Variants in COG6 observed in about 807,000 individuals in gnomAD.
COG6 encodes the protein component of oligomeric golgi complex 6.
COG6 carries 74 observed loss-of-function variants against 88.8 expected under a neutral mutation model. The observed-to-expected ratio is 0.83, with a 90% confidence interval of 0.69 to 1.01. The LOEUF (loss-of-function observed/expected upper bound fraction) is 1.01, where lower values mean the gene tolerates loss of function less well. Among genes scored for constraint, COG6 ranks in the 50% least tolerant of loss-of-function variants. COG6 has a pLI of 0.00. For synonymous variants in COG6, 286 were observed against 278.7 expected, an observed-to-expected ratio of 1.03 and a Z score of -0.26; for missense variants, 800 against 797.9, an observed-to-expected ratio of 1.00 and a Z score of -0.03.
rs890086196 is a variant in COG6 at position 39,660,862 on chromosome 13, A to T, written c.350A>T (p.Asp117Val). 6.2e-7 allele frequency: 1 copy of T among 1,605,146 alleles called. No homozygotes were observed. The highest frequency in any genetic ancestry group is 8.5e-7 in the Non-Finnish European group (1 of 1,172,496). The part of the protein sequence containing the change: ...DVQAMSNCCQ[D>V]MTSRLQAAKE... ...CAAGCAATGAGCAACTGTTGTCAAG[A>T]TATGACAAGTCGCCTACAGGTATTA... The change falls in exon 3 of 19, where the codon GAT becomes GTT. Residue 117 changes from aspartate to valine, a missense_variant. Transcript: ENST00000455146.
At chr13:39,705,993 T>C (rs1877872582) in intron 13 of COG6, among the ~76,000 whole-genome samples, 1 of 151,826 alleles carries the variant, frequency 6.6e-6, no homozygotes, top group Non-Finnish European at 1.5e-5. Flanking sequence ...CTGAAATGCT[T>C]TAATATTTAA....
At chr13:39,753,866 G>A (rs564255167), downstream of COG6, among the ~76,000 whole-genome samples, 10 of 152,038 alleles carry the variant, frequency 6.6e-5, no homozygotes, top group Admixed American at 5.2e-4. Flanking sequence ...TCCTTTCCTG[G>A]TTTAGACATG....
intron 18 of COG6, among the ~76,000 whole-genome samples, chr13:39,786,631 A>G (rs1360271156): frequency 6.6e-6 from 1 of 152,226 alleles, no homozygotes; most frequent in Non-Finnish European, 1.5e-5. Flanking sequence ...GGCATTTCAG[A>G]CAAATATGAA....
rs540474971 is a variant in COG6, at chr13:39,771,423, G to A, written c.1827-16912G>A. The stretch of plus-strand genomic sequence containing the variant: ...GTGAGGGGTAACTGGTGGCTCACCC[G>A]CTGCCCAGCGCTCCCCAGGGAGACC... On this transcript the variant is annotated intron_variant, in intron 18 of 18. Coordinates refer to the COG6 transcript ENST00000416691. 1.3e-4 allele frequency among the ~76,000 whole-genome samples: 20 copies of A among 152,270 alleles called. No individual in the cohort carries two copies. The East Asian group carries it at 2.5e-3, about 19-fold the overall frequency.
Position 39,751,312 on chromosome 13 carries a change from A to G in COG6, c.*219A>G. The G allele has an allele frequency of 6.7e-7, 1 of 1,489,048 alleles. No homozygotes were observed. The highest frequency in any genetic ancestry group is 8.9e-7 in the Non-Finnish European group (1 of 1,119,816). The allele number at this position is 1,489,048 out of a possible 1,614,324, so 92.2% of individuals were successfully genotyped here. A position where few individuals can be genotyped will look rare whatever the true frequency, so the allele number is the denominator to read the frequency against. ...TTGCTGTGTATCTACTCTAAATGAGATGATCTATTTTTTTGCTAGCCATCT... is the reference window on the plus strand; with the variant it reads ...TTGCTGTGTATCTACTCTAAATGAGGTGATCTATTTTTTTGCTAGCCATCT... On this transcript the variant is annotated 3_prime_UTR_variant, in exon 19 of 19. Transcript: ENST00000455146.
chr13:39,790,528 T>C (rs565902519), exon 19 of COG6: 1 of 152,250 alleles, frequency 6.6e-6, no homozygotes, highest in African/African-American at 2.4e-5. Flanking sequence ...ATCTCATAGA[T>C]ACTGTTCTTC....
chr13:39,771,449 C>T (rs981289996), intron 18 of COG6, among the ~76,000 whole-genome samples: 5 of 152,130 alleles, frequency 3.3e-5, no homozygotes, highest in Admixed American at 6.5e-5. Context: ...CAGGGAGACC[C>T]GGCCCTGCTG....
intron 18 of COG6, among the ~76,000 whole-genome samples, chr13:39,778,553 G>T (rs1370730502): frequency 1.3e-5 from 2 of 152,110 alleles, no homozygotes; most frequent in African/African-American, 4.8e-5. Context: ...TCTGCCTTCA[G>T]ACCCCCCTGG....
intron 13 of COG6, among the ~76,000 whole-genome samples, chr13:39,706,215 T>TTATATATA (rs141224881): frequency 1.2e-4 from 15 of 126,716 alleles, no homozygotes; most frequent in African/African-American, 4.4e-4. Context: ...ATATACTCCT[T>TTATATATA]TATATATATA....
At chr13:39,746,559 A>G (rs1222674689) in intron 18 of COG6, among the ~76,000 whole-genome samples, 3 of 152,210 alleles carry the variant, frequency 2.0e-5, no homozygotes, top group African/African-American at 7.2e-5. Flanking sequence ...GGATTTAGTC[A>G]TAGAATCCTT....
At chr13:39,781,589 CAA>C (rs1033924587) in intron 18 of COG6, among the ~76,000 whole-genome samples, 2 of 152,072 alleles carry the variant, frequency 1.3e-5, no homozygotes, top group African/African-American at 4.8e-5. Flanking sequence ...AGAGCCACAG[CAA>C]AGAGTTTTGG....
intron 13 of COG6, among the ~76,000 whole-genome samples, chr13:39,715,146 C>T (rs558072744): frequency 1.6e-4 from 24 of 151,990 alleles, no homozygotes; most frequent in African/African-American, 4.6e-4. Context: ...TCTCAGACTT[C>T]GCCACAGTAC....
At chr13:39,781,957 C>G (rs1881642932) in intron 18 of COG6, among the ~76,000 whole-genome samples, 1 of 152,108 alleles carries the variant, frequency 6.6e-6, no homozygotes, top group Non-Finnish European at 1.5e-5. Context: ...CTTCTCGAAC[C>G]CTTTTCCCTT....
chr13:39,671,789 A>G (rs1016610722), intron 4 of COG6, among the ~76,000 whole-genome samples: 1 of 151,954 alleles, frequency 6.6e-6, no homozygotes, highest in Non-Finnish European at 1.5e-5. Flanking sequence ...TGTACTTTAC[A>G]GTTTTATTAT....
chr13:39,779,738 C>T lies in COG6; in HGVS notation c.1827-8597C>T, dbSNP rs144446225. On this transcript the variant is annotated intron_variant, in intron 18 of 18. Transcript: ENST00000416691. ...TCTCCAGGGTTCTGTCCTAAAGTCA[C>T]CTCAGAAAGCTGTGTCTCTGACATC... Among the ~76,000 whole-genome samples, 953 of 152,258 alleles carry T rather than the reference C, an allele frequency of 6.3e-3. 4 individuals are homozygous for T. Among genetic ancestry groups the T allele is most frequent in the Non-Finnish European group, 0.01 (713 of 68,026 alleles).
intron 12 of COG6, 80 bp downstream of exon 12, chr13:39,694,805 T>A: frequency 1.3e-6 from 1 of 741,270 alleles, no homozygotes; most frequent in Admixed American, 2.2e-5. Context: ...GATTTTTTTT[T>A]ATATTGTGTA....
chr13:39,711,695 A>T (rs974018297), intron 13 of COG6, among the ~76,000 whole-genome samples: 27 of 152,368 alleles, frequency 1.8e-4, no homozygotes, highest in African/African-American at 6.5e-4. Context: ...AATACATGGT[A>T]CAGTTTTTAG....
At chr13:39,763,559 A>G (rs1282552799) in intron 18 of COG6, among the ~76,000 whole-genome samples, 3 of 151,472 alleles carry the variant, frequency 2.0e-5, no homozygotes, top group Non-Finnish European at 3.0e-5. Flanking sequence ...AATTTTATCA[A>G]TTTTTTTTCT....
chr13:39,746,039 C>A (rs989718153), intron 18 of COG6, among the ~76,000 whole-genome samples: 2 of 151,868 alleles, frequency 1.3e-5, no homozygotes, highest in African/African-American at 2.4e-5. Flanking sequence ...ACAATGAGAA[C>A]ACTTGAACAC....
Sources: allele counts gnomAD v4.1 joint callset (sites outside exome capture counted in the v4.1 genomes callset), GRCh38; gene constraint gnomAD v4.1.1; transcripts MANE v1.5; gene names NCBI Gene and HGNC (gene_info 2026-07-23, HGNC 2026-07-21).